The following POLN variants were observed in gnomAD, a reference collection of about 807,000 sequenced individuals.
The protein encoded by POLN is DNA polymerase nu, also known as DNA polymerase N.
A neutral mutation model predicts 113.5 loss-of-function variants in POLN; 108 were observed. The ratio of observed to expected loss-of-function variants is 0.95; its 90% CI spans 0.81 to 1.12. The LOEUF (loss-of-function observed/expected upper bound fraction) is 1.12. Among genes scored for constraint, POLN ranks in the 50% most tolerant of loss-of-function variants. POLN has a pLI of 0.00. For synonymous variants in POLN, 386 were observed against 391.5 expected (o/e 0.99, Z 0.17); for missense variants, 1,097 against 1,077.1 (o/e 1.02, Z -0.26).
chr4:2,231,674 T>C (rs1038191562), intron 2 of POLN: 2 of 264,734 alleles, frequency 7.6e-6, no homozygotes, highest in South Asian at 1.9e-4. Flanking sequence ...ATTTGCATTA[T>C]GTAATAATGC....
intron 3 of POLN, among the ~76,000 whole-genome samples, chr4:2,214,569 G>C (rs2108766997): frequency 6.6e-6 from 1 of 152,218 alleles, no homozygotes; most frequent in East Asian, 1.9e-4. Flanking sequence ...AAAACCCAAA[G>C]AGGAAACAAA....
At chr4:2,158,419 G>T (rs779940164) in intron 14 of POLN, among the ~76,000 whole-genome samples, 1 of 152,112 alleles carries the variant, frequency 6.6e-6, no homozygotes, top group Non-Finnish European at 1.5e-5. Context: ...TTTAAAAATA[G>T]ATCTATTAAT....
Position 2,089,068 on chromosome 4 carries a change from T to A in POLN, c.2066-3324A>T, listed in dbSNP as rs535734436. On this transcript the variant is annotated intron_variant, in intron 20 of 25. Transcript: ENST00000511885. ...TTGAACTTAGAACTTTAGTTCGTGATGAAGGAGCAATGGATTGGTCTACTA... is the reference window on the plus strand; with the variant it reads ...TTGAACTTAGAACTTTAGTTCGTGAAGAAGGAGCAATGGATTGGTCTACTA... The A allele has an allele frequency of 2.7e-4, 234 of 877,276 alleles. No individual in the cohort carries two copies. In the African/African-American group the frequency reaches 3.5e-3, roughly 13 times the overall value. 54.3% of individuals were successfully genotyped at this position (877,276 alleles called of 1,614,324 possible).
chr4:2,221,383 G>A (rs766081359), intron 3 of POLN, among the ~76,000 whole-genome samples: 3 of 152,176 alleles, frequency 2.0e-5, no homozygotes, highest in Non-Finnish European at 4.4e-5. Flanking sequence ...GTCAAGGTGG[G>A]AACTGCTTAG....
At chr4:2,189,919 A>G (rs28886945) in intron 7 of POLN, among the ~76,000 whole-genome samples, 37,006 of 150,708 alleles carry the variant, frequency 0.25, 7,013 homozygotes, top group African/African-American at 0.51. Context: ...CAGCTACTTC[A>G]GAGTCTGAGG....
At chr4:2,187,793 G>C (rs1285462466) in intron 7 of POLN, among the ~76,000 whole-genome samples, 2 of 152,028 alleles carry the variant, frequency 1.3e-5, no homozygotes, top group Non-Finnish European at 2.9e-5. Context: ...GGAGGGAGTG[G>C]GATAACCTAT....
At chr4:2,124,450 AT>A (rs914995217) in intron 19 of POLN, among the ~76,000 whole-genome samples, 15 of 151,806 alleles carry the variant, frequency 9.9e-5, no homozygotes, top group South Asian at 2.1e-4. Context: ...TTAAAAAAAA[AT>A]TTTTTTTGTA....
chr4:2,107,151 A>C (rs1202915924), intron 19 of POLN, among the ~76,000 whole-genome samples: 4 of 151,844 alleles, frequency 2.6e-5, no homozygotes, highest in Non-Finnish European at 5.9e-5. Flanking sequence ...GGTTGTTTAT[A>C]TTTAGGGAGG....
chr4:2,094,223 T>C (rs1181632583), intron 20 of POLN, among the ~76,000 whole-genome samples: 1 of 151,666 alleles, frequency 6.6e-6, no homozygotes, highest in African/African-American at 2.4e-5. Flanking sequence ...GGCAGGTGCC[T>C]GTCACCCCAG....
intron 9 of POLN, 73 bp from the exon 10 acceptor site, chr4:2,174,824 C>CTTTTTT: frequency 3.6e-6 from 3 of 831,732 alleles, no homozygotes; most frequent in East Asian, 3.2e-5. Flanking sequence ...GAAAAGCCTA[C>CTTTTTT]TTTTTTTTTT....
intron 16 of POLN, among the ~76,000 whole-genome samples, chr4:2,155,996 A>G (rs1201948304): frequency 6.6e-6 from 1 of 151,988 alleles, no homozygotes; most frequent in Admixed American, 6.6e-5. Context: ...CACCACGCCC[A>G]GCTAATTTTT....
chr4:2,074,495 T>C (rs997848779), intron 24 of POLN, among the ~76,000 whole-genome samples: 1 of 152,152 alleles, frequency 6.6e-6, no homozygotes, highest in Non-Finnish European at 1.5e-5. Flanking sequence ...TGAGCACACG[T>C]TATACTTGTT....
Position 2,079,361 on chromosome 4 carries a change from T to C in POLN, c.2387+1597A>G, listed in dbSNP as rs907975133. 4 of 905,446 alleles carry C rather than the reference T, an allele frequency of 4.4e-6. No individual in the cohort carries two copies. The African/African-American group carries it at 5.4e-5, about 12-fold the overall frequency. The allele number at this position is 905,446 out of a possible 1,614,324, so 56.1% of individuals were successfully genotyped here. ...GAAGCTATAATTTACCTGCAGAAAC[T>C]GTGGAAGTGAGCGGGATGCATGGAT... On this transcript the variant is annotated intron_variant, in intron 23 of 25. Coordinates refer to ENST00000511885, the MANE Select transcript of POLN (RefSeq NM_181808.4).
chr4:2,156,900 G>T, intron 15 of POLN, 47 bp from the exon 16 acceptor site: 1 of 1,481,100 alleles, frequency 6.8e-7, no homozygotes, highest in South Asian at 1.1e-5. Flanking sequence ...AATGCTATGT[G>T]AAGTTAAGAA....
rs185439935 is a variant in POLN at position 2,083,303 on chromosome 4, C to A, written c.2198-1560G>T. On this transcript the variant is annotated intron_variant, in intron 21 of 25. Coordinates refer to ENST00000511885, the MANE Select transcript of POLN (RefSeq NM_181808.4). ...TCCACGTCTCCTCCACTCATCCAGA[C>A]CACTCTGCAGTCTGCGTGGCTCCCC... 1.3e-4 allele frequency among the ~76,000 whole-genome samples: 20 copies of A among 152,360 alleles called. No homozygotes were observed. In the East Asian group the frequency reaches 3.9e-3, roughly 29 times the overall value.
At chr4:2,159,346 C>T in intron 13 of POLN, 135 bp from the exon 14 acceptor site, 1 of 731,456 alleles carries the variant, frequency 1.4e-6, no homozygotes, top group African/African-American at 1.8e-5. Context: ...GCATAATAAA[C>T]TCAAGTTTAT....
At chr4:2,210,690 G>C (rs1037321435) in intron 4 of POLN, among the ~76,000 whole-genome samples, 3 of 148,600 alleles carry the variant, frequency 2.0e-5, no homozygotes, top group African/African-American at 7.4e-5. Context: ...TGGGAGGCCC[G>C]GGCAGATGGA....
At chr4:2,229,591 G>A (rs1734503842) in intron 2 of POLN, 1 of 157,064 alleles carries the variant, frequency 6.4e-6, no homozygotes, top group Non-Finnish European at 1.4e-5. Flanking sequence ...TTGGTAGACT[G>A]AGGCGGGTGG....
chr4:2,159,628 A>G (rs1732527213), intron 13 of POLN, among the ~76,000 whole-genome samples: 1 of 152,194 alleles, frequency 6.6e-6, no homozygotes, highest in Non-Finnish European at 1.5e-5. Flanking sequence ...AGAGTAAGAA[A>G]AGTTTGTTAA....
Sources: gnomAD v4.1 joint callset for allele counts (sites outside exome capture counted in the v4.1 genomes callset) on GRCh38, gnomAD v4.1.1 for gene constraint, MANE v1.5 for transcripts, NCBI Gene and HGNC (gene_info 2026-07-23, HGNC 2026-07-21) for gene names.